The following USP34 variants were observed in gnomAD, a reference collection of about 807,000 sequenced individuals.
USP34 encodes ubiquitin carboxyl-terminal hydrolase 34.
Under a neutral mutation model 460.3 loss-of-function variants are expected in USP34, and 70 were observed. That is an observed-to-expected ratio of 0.15 (90% CI 0.13 to 0.19). The LOEUF (loss-of-function observed/expected upper bound fraction) is 0.19, where lower values mean the gene tolerates loss of function less well. USP34 is among the 10% of genes least tolerant of loss of function. The pLI, the probability that USP34 is intolerant of heterozygous loss-of-function variation, is 1.00. For missense variants in USP34, 3,985 were observed against 4,236.2 expected (o/e 0.94, Z 1.65); for synonymous variants, 1,647 against 1,405.3 (o/e 1.17, Z -3.85).
chr2:61,385,825 C>A (rs71420402), intron 5 of USP34, among the ~76,000 whole-genome samples: 1 of 151,380 alleles, frequency 6.6e-6, no homozygotes, highest in Admixed American at 6.6e-5. Flanking sequence ...GAAACTGTTT[C>A]TACTGAAAAC....
At chr2:61,469,715 A>G (rs142019910) in intron 1 of USP34, among the ~76,000 whole-genome samples, 6 of 152,274 alleles carry the variant, frequency 3.9e-5, no homozygotes, top group Admixed American at 6.5e-5. Flanking sequence ...TAAACTGTTC[A>G]TAAGTGAGCA....
chr2:61,351,252 T>C (rs1207044523), intron 10 of USP34, among the ~76,000 whole-genome samples: 1 of 152,192 alleles, frequency 6.6e-6, no homozygotes, highest in African/African-American at 2.4e-5. Flanking sequence ...AAGTAAATTA[T>C]CACAGGTGTG....
At chr2:61,333,447 G>C (rs371486312) in intron 19 of USP34, among the ~76,000 whole-genome samples, 28 of 152,150 alleles carry the variant, frequency 1.8e-4, no homozygotes, top group African/African-American at 6.7e-4. Context: ...GAGCATTTCA[G>C]ATTTTAGATT....
chr2:61,417,469 C>G (rs1438446300), intron 2 of USP34: 4 of 288,986 alleles, frequency 1.4e-5, no homozygotes, highest in Non-Finnish European at 2.7e-5. Context: ...CTTGATCACA[C>G]AGAGACTGAC....
intron 43 of USP34, among the ~76,000 whole-genome samples, chr2:61,261,040 G>A (rs777629216): frequency 6.6e-6 from 1 of 152,142 alleles, no homozygotes; most frequent in South Asian, 2.1e-4. Context: ...TAGCAAGGAC[G>A]TCGAGAAATT....
At chr2:61,454,379 C>T (rs1428530391) in intron 1 of USP34, among the ~76,000 whole-genome samples, 2 of 152,184 alleles carry the variant, frequency 1.3e-5, no homozygotes, top group African/African-American at 4.8e-5. Context: ...CTGCCTTGGC[C>T]TCCCAAAGTG....
At chr2:61,325,197 A>ATTG (rs1691048640) in intron 21 of USP34, among the ~76,000 whole-genome samples, 178 bp downstream of exon 21, 1 of 151,888 alleles carries the variant, frequency 6.6e-6, no homozygotes, top group Non-Finnish European at 1.5e-5. Flanking sequence ...CCCTACCAGT[A>ATTG]CGCAATACTG....
chr2:61,280,364 T>G lies in USP34; in HGVS notation c.5152-16A>C, dbSNP rs1558507314. The stretch of plus-strand genomic sequence containing the variant: ...AATCATCTATCTATTAAAAAAATTT[T>G]ATACTTTGTGAAAACATTTTAAAAA... On this transcript the variant is annotated splice_polypyrimidine_tract_variant and intron_variant, in intron 38 of 79. Coordinates refer to ENST00000398571, the MANE Select transcript of USP34 (RefSeq NM_014709.4). The G allele has an allele frequency of 7.7e-7, 1 of 1,305,750 alleles. No homozygotes were observed. The highest frequency in any genetic ancestry group is 1.0e-6 in the Non-Finnish European group (1 of 970,946). 80.9% of individuals were successfully genotyped at this position (1,305,750 alleles called of 1,614,324 possible).
chr2:61,243,463 A>T (rs1179533378), intron 51 of USP34, among the ~76,000 whole-genome samples: 1 of 152,150 alleles, frequency 6.6e-6, no homozygotes. Flanking sequence ...CATTTTTTAA[A>T]GATACTTTAC....
chr2:61,301,519 T>C, intron 27 of USP34, 65 bp from the exon 28 acceptor site: 4 of 1,396,424 alleles, frequency 2.9e-6, no homozygotes, highest in Non-Finnish European at 4.0e-6. Flanking sequence ...CTGATAAGAA[T>C]ATGTAGTTGT....
intron 10 of USP34, among the ~76,000 whole-genome samples, chr2:61,365,832 G>GA (rs1692420250): frequency 6.6e-6 from 1 of 152,058 alleles, no homozygotes; most frequent in Non-Finnish European, 1.5e-5. Context: ...CTCTAGAGAA[G>GA]AAAATCATTA....
intron 47 of USP34, 92 bp from the exon 48 acceptor site, chr2:61,256,570 C>T: frequency 2.0e-6 from 2 of 1,024,558 alleles, no homozygotes; most frequent in East Asian, 3.0e-5. Flanking sequence ...ACAGAATGCT[C>T]AGCAAAAAAA....
intron 67 of USP34, among the ~76,000 whole-genome samples, chr2:61,216,937 A>C (rs1256511944): frequency 6.6e-6 from 1 of 151,990 alleles, no homozygotes; most frequent in African/African-American, 2.4e-5. Flanking sequence ...AAAAAAAAAA[A>C]AGTCATTTGG....
At chr2:61,353,394 G>GT (rs1028464455) in intron 10 of USP34, among the ~76,000 whole-genome samples, 1,952 of 135,274 alleles carry the variant, frequency 0.014, 31 homozygotes, top group Middle Eastern at 0.015. Context: ...CTAGACGAAT[G>GT]TTTTTTTTTT....
At chr2:61,354,070 A>T (rs937175415) in intron 10 of USP34, among the ~76,000 whole-genome samples, 1 of 152,222 alleles carries the variant, frequency 6.6e-6, no homozygotes, top group Non-Finnish European at 1.5e-5. Flanking sequence ...CCAGAATGCA[A>T]AGAAAAATGG....
intron 1 of USP34, among the ~76,000 whole-genome samples, chr2:61,423,232 G>A (rs1482773879): frequency 6.6e-6 from 1 of 152,100 alleles, no homozygotes; most frequent in Non-Finnish European, 1.5e-5. Context: ...TCCTGCCTCA[G>A]CCTCCTGAGT....
chr2:61,397,942 C>T (rs1212107670), intron 3 of USP34, among the ~76,000 whole-genome samples: 2 of 152,118 alleles, frequency 1.3e-5, no homozygotes, highest in Non-Finnish European at 2.9e-5. Flanking sequence ...TGGCACACGC[C>T]TGTAATCCCA....
intron 21 of USP34, among the ~76,000 whole-genome samples, chr2:61,323,020 T>C (rs1299563280): frequency 6.6e-6 from 1 of 152,214 alleles, no homozygotes; most frequent in African/African-American, 2.4e-5. Flanking sequence ...TATTAAAATA[T>C]TGGATGTAAT....
chr2:61,440,035 G>A (rs1694921249), intron 1 of USP34, among the ~76,000 whole-genome samples: 1 of 152,142 alleles, frequency 6.6e-6, no homozygotes, highest in Non-Finnish European at 1.5e-5. Flanking sequence ...AAGGCCCTGG[G>A]CATCAGGCTG....
Sources: gnomAD v4.1 joint callset for allele counts (sites outside exome capture counted in the v4.1 genomes callset) on GRCh38, gnomAD v4.1.1 for gene constraint, MANE v1.5 for transcripts, NCBI Gene and HGNC (gene_info 2026-07-23, HGNC 2026-07-21) for gene names.